The following PADI2 variants were observed in gnomAD, a reference collection of about 807,000 sequenced individuals.
The protein encoded by PADI2 is peptidyl arginine deiminase 2, also known as protein-arginine deiminase type-2.
In PADI2, 70 loss-of-function variants were observed where a neutral mutation model predicts 81.1. The observed-to-expected ratio is 0.86, with a 90% CI of 0.71 to 1.05. The LOEUF (loss-of-function observed/expected upper bound fraction) is 1.05. Among genes scored for constraint, PADI2 ranks in the 50% least tolerant of loss-of-function variants. The pLI is 0.00. For synonymous variants in PADI2, 338 were observed against 358.0 expected (o/e 0.94, Z 0.63); for missense variants, 853 against 889.9 (o/e 0.96, Z 0.53).
intron 14 of PADI2, among the ~76,000 whole-genome samples, chr1:17,070,960 C>A (rs1050491426): frequency 3.9e-5 from 6 of 152,166 alleles, no homozygotes; most frequent in African/African-American, 1.4e-4. Context: ...CCAGGCCCGG[C>A]CAAAGTTTTT....
In PADI2 at chr1:17,093,774, T is replaced by C. The variant is rs1570992948; in HGVS notation, c.412-90A>G. The C allele has an allele frequency of 1.4e-5, 11 of 773,860 alleles. No homozygotes were observed. The East Asian group carries it at 2.8e-4, about 20-fold the overall frequency. 47.9% of individuals were successfully genotyped at this position (773,860 alleles called of 1,614,324 possible). On this transcript the variant is annotated intron_variant, in intron 4 of 15. Transcript: ENST00000375486. The stretch of plus-strand genomic sequence containing the variant: ...TGGAGAGATAGCCCCAGGATGAGGG[T>C]AAAGAGTAGCCGCCACCCACTGGGG...
chr1:17,084,858 T>TCTTTTCTG (rs1370452650), intron 7 of PADI2, among the ~76,000 whole-genome samples, 156 bp from the exon 8 acceptor site: 1 of 152,246 alleles, frequency 6.6e-6, no homozygotes, highest in Non-Finnish European at 1.5e-5. Flanking sequence ...ATGTGCCAAT[T>TCTTTTCTG]CTTTTCTGCC....
rs746475603 is a variant in PADI2 at position 17,095,990 on chromosome 1, G to A, written c.350-20C>T. ...AGATCTCTGGGGAGAAGAGACATGG[G>A]TGAGTTGCTGAGCCTGCCAGGCAGG... On this transcript the variant is annotated intron_variant, in intron 3 of 15. Coordinates refer to ENST00000375486, the MANE Select transcript of PADI2 (RefSeq NM_007365.3). 3.8e-6 allele frequency: 6 copies of A among 1,595,096 alleles called. No homozygotes were observed. The highest frequency in any genetic ancestry group is 3.4e-5 in the Admixed American group (2 of 57,976).
At position 17,100,412 on chromosome 1, in the gene PADI2, G is replaced by C. The variant is rs1003462133; in HGVS notation, c.349+2575C>G. Reference sequence around the variant, plus strand: ...CAATTCTCCTGCCTCAGCCTCCTGAGTAGCTGGGATTACAGGCGTCCACCA... The same window carrying C: ...CAATTCTCCTGCCTCAGCCTCCTGACTAGCTGGGATTACAGGCGTCCACCA... On this transcript the variant is annotated intron_variant, in intron 3 of 15. Transcript: ENST00000375486. 3.3e-5 allele frequency among the ~76,000 whole-genome samples: 5 copies of C among 152,142 alleles called. No homozygotes were observed. The South Asian group carries it at 8.3e-4, about 25-fold the overall frequency.
intron 1 of PADI2, among the ~76,000 whole-genome samples, chr1:17,106,797 G>GAGC (rs386366325): frequency 5.2e-4 from 45 of 87,216 alleles, no homozygotes; most frequent in Middle Eastern, 5.3e-3. Flanking sequence ...GGAGGAGGAG[G>GAGC]AGCAGCAAGA....
intron 1 of PADI2, among the ~76,000 whole-genome samples, chr1:17,109,954 G>T (rs1416417811): frequency 2.0e-5 from 3 of 152,130 alleles, no homozygotes; most frequent in Admixed American, 2.0e-4. Context: ...GAAACCAAAG[G>T]AGGCCTCAGA....
chr1:17,098,771 G>A (rs765641678), intron 3 of PADI2, among the ~76,000 whole-genome samples: 6 of 152,118 alleles, frequency 3.9e-5, no homozygotes, highest in Non-Finnish European at 7.4e-5. Context: ...CTCAGAGACC[G>A]CCCACCCTGT....
At position 17,099,246 on chromosome 1, in the gene PADI2, C is replaced by G. The variant is rs554150996; in HGVS notation, c.350-3276G>C. Among the ~76,000 whole-genome samples, 10 of 152,286 alleles carry G rather than the reference C, an allele frequency of 6.6e-5. 1 individual carries two copies. The South Asian group carries it at 2.1e-3, about 32-fold the overall frequency. On this transcript the variant is annotated intron_variant, in intron 3 of 15. Transcript: ENST00000375486. ...TATGGGAAGGAAGGACACCCTCCCC[C>G]ACAGCCAATCAGGGCAAGTATCCCA...
At chr1:17,088,925 A>AAC (rs1553182383) in intron 6 of PADI2, among the ~76,000 whole-genome samples, 6 of 83,358 alleles carry the variant, frequency 7.2e-5, no homozygotes, top group Non-Finnish European at 1.2e-4. Context: ...AAAAAAAAAA[A>AAC]AAAAAACCAA....
intron 10 of PADI2, among the ~76,000 whole-genome samples, chr1:17,080,390 G>A (rs796267778): frequency 1.1e-4 from 17 of 152,322 alleles, no homozygotes; most frequent in African/African-American, 3.8e-4. Flanking sequence ...AATTCTCCCT[G>A]TGCTAGGAGA....
intron 6 of PADI2, among the ~76,000 whole-genome samples, chr1:17,087,488 G>GTTTATTTATTTATTTA (rs372378095): frequency 0.08 from 10,874 of 136,584 alleles, 490 homozygotes; most frequent in East Asian, 0.1. Flanking sequence ...ATGTTTGTTT[G>GTTTATTTATTTATTTA]TTTGTTTATT....
At chr1:17,117,538 G>A (rs565593692) in intron 1 of PADI2, among the ~76,000 whole-genome samples, 260 of 152,212 alleles carry the variant, frequency 1.7e-3, no homozygotes, top group Non-Finnish European at 2.5e-3. Flanking sequence ...GGTCTTTGTG[G>A]TCGTTGAGAC....
At position 17,077,951 on chromosome 1, in the gene PADI2, C is replaced by T. The variant is rs181403762; in HGVS notation, c.1310+1313G>A. 2.0e-5 allele frequency among the ~76,000 whole-genome samples: 3 copies of T among 152,198 alleles called. No homozygotes were observed. The East Asian group carries it at 5.8e-4, about 29-fold the overall frequency. On this transcript the variant is annotated intron_variant, in intron 11 of 15. Coordinates refer to ENST00000375486, the MANE Select transcript of PADI2 (RefSeq NM_007365.3). The stretch of plus-strand genomic sequence containing the variant: ...GGAGAATCATGGACAGGCCAGGGAG[C>T]CAGGGACTCACATTTCTGGGGCAGG...
chr1:17,080,583 C>A (rs561323663), intron 10 of PADI2, among the ~76,000 whole-genome samples: 1 of 152,214 alleles, frequency 6.6e-6, no homozygotes, highest in Non-Finnish European at 1.5e-5. Flanking sequence ...CTGACCAATA[C>A]ATGCAAAAGT....
intron 1 of PADI2, among the ~76,000 whole-genome samples, chr1:17,114,866 G>T (rs2100223756): frequency 6.6e-6 from 1 of 152,300 alleles, no homozygotes; most frequent in South Asian, 2.1e-4. Context: ...ACAGCCAAGG[G>T]CTAACAGCAT....
At chr1:17,093,509 G>T in intron 5 of PADI2, 58 bp downstream of exon 5, 3 of 1,146,038 alleles carry the variant, frequency 2.6e-6, no homozygotes, top group Non-Finnish European at 4.0e-6. Flanking sequence ...GCCCAGGACT[G>T]GGCATGAATC....
intron 6 of PADI2, among the ~76,000 whole-genome samples, chr1:17,088,265 G>A (rs1271354081): frequency 6.6e-6 from 1 of 152,180 alleles, no homozygotes; most frequent in Non-Finnish European, 1.5e-5. Context: ...AGGCATGGAG[G>A]TAGGACCCTA....
At chr1:17,081,372 T>C (rs1370601696) in intron 10 of PADI2, among the ~76,000 whole-genome samples, 1 of 152,212 alleles carries the variant, frequency 6.6e-6, no homozygotes, top group African/African-American at 2.4e-5. Context: ...CTGAGGCTCG[T>C]GGAAGGTAAT....
At chr1:17,118,812 C>T (rs984345043) in intron 1 of PADI2, among the ~76,000 whole-genome samples, 2 of 152,188 alleles carry the variant, frequency 1.3e-5, no homozygotes, top group Non-Finnish European at 2.9e-5. Flanking sequence ...GGGCAGCTCC[C>T]TTCGGGTCCT....
Sources: gnomAD v4.1 joint callset for allele counts (sites outside exome capture counted in the v4.1 genomes callset) on GRCh38, gnomAD v4.1.1 for gene constraint, MANE v1.5 for transcripts, NCBI Gene and HGNC (gene_info 2026-07-23, HGNC 2026-07-21) for gene names.